Variants in IZUMO2 observed in about 807,000 individuals in gnomAD.
The protein encoded by IZUMO2 is IZUMO family member 2, also known as izumo sperm-egg fusion protein 2.
Under a neutral mutation model 31.2 loss-of-function variants are expected in IZUMO2, and 24 were observed. The ratio of observed to expected loss-of-function variants is 0.77; its 90% CI spans 0.56 to 1.08. The LOEUF (loss-of-function observed/expected upper bound fraction) is 1.08, where lower values mean the gene tolerates loss of function less well. Ranked by LOEUF, IZUMO2 falls within the 50% of genes least tolerant of loss-of-function variation. The pLI is 0.00. For synonymous variants in IZUMO2, 144 were observed against 117.3 expected (o/e 1.23, Z -1.47); for missense variants, 278 against 274.0 (o/e 1.01, Z -0.10).
chr19:50,154,735 G>A lies in IZUMO2; in HGVS notation c.497-9C>T. The A allele has an allele frequency of 6.2e-7, 1 of 1,613,274 alleles. No individual in the cohort carries two copies. Among genetic ancestry groups the A allele is most frequent in the East Asian group, 2.2e-5 (1 of 44,842 alleles). Reference sequence around the variant, plus strand: ...GCGGGGTTGCCGGTCGACTGGGGCGGGTGGGGAAACAGCCCCGACCTCCAC... The same window carrying A: ...GCGGGGTTGCCGGTCGACTGGGGCGAGTGGGGAAACAGCCCCGACCTCCAC... On this transcript the variant is annotated splice_polypyrimidine_tract_variant and intron_variant, in intron 5 of 6. Coordinates refer to ENST00000293405, the MANE Select transcript of IZUMO2 (RefSeq NM_152358.3).
rs376775034 is a variant in IZUMO2, at chr19:50,163,118, G to A, written c.77C>T (p.Pro26Leu). The A allele has an allele frequency of 1.7e-5, 27 of 1,605,550 alleles. No individual in the cohort carries two copies. In the East Asian group the frequency reaches 4.7e-4, roughly 28 times the overall value. The change falls in exon 1 of 7, where the codon CCC becomes CTC. Residue 26 changes from proline to leucine, a missense_variant. By Grantham distance (98) the Pro-to-Leu change is moderately conservative (BLOSUM62 -3). Transcript: ENST00000293405. ...GTGACCCAGGGCCTCCAGCACCAAG[G>A]GGTCGCACTGCAGGCAGCCCCAGCC... ...PGGWGCLQCD[P>L]LVLEALGHLR...
intron 2 of IZUMO2, among the ~76,000 whole-genome samples, chr19:50,162,526 G>T (rs1175277242): frequency 1.3e-5 from 2 of 152,090 alleles, no homozygotes; most frequent in Non-Finnish European, 2.9e-5. Context: ...GAGGCGGCAG[G>T]ATCGCTGGAG....
intron 6 of IZUMO2, 90 bp from the exon 7 acceptor site, chr19:50,152,741 C>G (rs2030069570): frequency 8.7e-7 from 1 of 1,151,658 alleles, no homozygotes; most frequent in Non-Finnish European, 1.3e-6. Context: ...CCATAACTTT[C>G]CTACAATCTT....
Position 50,159,245 on chromosome 19 carries a change from T to G in IZUMO2, c.400A>C (p.Asn134His). ...VLISYELKACNPKLCRLLKEE... is the reference protein window; with the variant it reads ...VLISYELKACHPKLCRLLKEE... The stretch of plus-strand genomic sequence containing the variant: ...CAGAACTCACGGCAAAGTTTGGGGT[T>G]GCAGGCTGCAAGAGAAAATTGCTGA... Residue 134 changes from asparagine to histidine, a missense_variant, in exon 4 of 7, where the codon AAC becomes CAC. Asn to His is a moderately conservative substitution (Grantham distance 68, BLOSUM62 1). Transcript: ENST00000293405. The G allele has an allele frequency of 1.2e-6, 2 of 1,611,204 alleles. No homozygotes were observed. The highest frequency in any genetic ancestry group is 1.7e-6 in the Non-Finnish European group (2 of 1,179,300).
At chr19:50,154,125 TC>T (rs1190192316) in intron 6 of IZUMO2, among the ~76,000 whole-genome samples, 3 of 151,444 alleles carry the variant, frequency 2.0e-5, no homozygotes, top group Non-Finnish European at 4.4e-5. Context: ...GGAAATGTTT[TC>T]ACTGTAGTAT....
chr19:50,152,592 A>T lies in IZUMO2; in HGVS notation c.*17T>A. 1 of 1,607,174 alleles carries T rather than the reference A, an allele frequency of 6.2e-7. No homozygotes were observed. Among genetic ancestry groups the T allele is most frequent in the South Asian group, 1.1e-5 (1 of 90,944 alleles). ...ATTAAATTTATTTTCCTTTCTCCTTACCCCCAAACCACCGTCCTACTGCAG... is the reference window on the plus strand; with the variant it reads ...ATTAAATTTATTTTCCTTTCTCCTTTCCCCCAAACCACCGTCCTACTGCAG... On this transcript the variant is annotated 3_prime_UTR_variant, in exon 7 of 7. Transcript: ENST00000293405.
At position 50,163,134 on chromosome 19, in the gene IZUMO2, A is replaced by C. The variant is rs767598343; in HGVS notation, c.61T>G (p.Cys21Gly). The C allele has an allele frequency of 6.3e-6, 10 of 1,591,926 alleles. No homozygotes were observed. The highest frequency in any genetic ancestry group is 1.8e-5 in the Admixed American group (1 of 55,516). The change falls in exon 1 of 7, where the codon TGC becomes GGC. Residue 21 changes from cysteine to glycine, a missense_variant. Cys to Gly is a radical substitution (Grantham distance 159). Transcript: ENST00000293405. ...AGCACCAAGGGGTCGCACTGCAGGC[A>C]GCCCCAGCCTCCGGGGGCGCCCAAG... Reference protein sequence around the residue: ...SGLGAPGGWGCLQCDPLVLEA... With the variant: ...SGLGAPGGWGGLQCDPLVLEA...
At chr19:50,153,273 C>T (rs866192341) in intron 6 of IZUMO2, among the ~76,000 whole-genome samples, 9 of 152,310 alleles carry the variant, frequency 5.9e-5, no homozygotes, top group African/African-American at 1.7e-4. Context: ...CTCTCAGAGG[C>T]TCTGGAAGGA....
chr19:50,163,252 G>T lies in IZUMO2; in HGVS notation c.-58C>A. On this transcript the variant is annotated 5_prime_UTR_variant, in exon 1 of 7. Transcript: ENST00000293405. Reference sequence around the variant, plus strand: ...CGGCCCGCCCCGCCTCCCAGGCGAGGGCGCGGTCAGGAGGCCCAGGGAGCA... The same window carrying T: ...CGGCCCGCCCCGCCTCCCAGGCGAGTGCGCGGTCAGGAGGCCCAGGGAGCA... 13 of 1,357,764 alleles carry T rather than the reference G, an allele frequency of 9.6e-6. No individual in the cohort carries two copies. Among genetic ancestry groups the T allele is most frequent in the Non-Finnish European group, 1.2e-5 (12 of 984,742 alleles). 84.1% of individuals were successfully genotyped at this position (1,357,764 alleles called of 1,614,324 possible).
intron 5 of IZUMO2, among the ~76,000 whole-genome samples, chr19:50,157,922 A>C (rs962820131): frequency 1.3e-5 from 2 of 151,908 alleles, no homozygotes; most frequent in African/African-American, 4.8e-5. Flanking sequence ...AAAAAAAAAA[A>C]AAAAGAATGT....
chr19:50,154,297 T>G (rs1600811194), intron 6 of IZUMO2, among the ~76,000 whole-genome samples: 1 of 91,392 alleles, frequency 1.1e-5, no homozygotes, highest in African/African-American at 4.4e-5. Context: ...TTTTTTTTTT[T>G]AATGTAAGAA....
chr19:50,158,366 G>T lies in IZUMO2; in HGVS notation c.416-18C>A. On this transcript the variant is annotated intron_variant, in intron 4 of 6. Coordinates refer to ENST00000293405, the MANE Select transcript of IZUMO2 (RefSeq NM_152358.3). ...TAGCAAGCCTAGGCAAGGGGAAAGGGAGAAGTAAGACAAGGGCAGATATCA... is the reference window on the plus strand; with the variant it reads ...TAGCAAGCCTAGGCAAGGGGAAAGGTAGAAGTAAGACAAGGGCAGATATCA... 6.4e-7 allele frequency: 1 copy of T among 1,554,360 alleles called. No homozygotes were observed. Among genetic ancestry groups the T allele is most frequent in the African/African-American group, 1.4e-5 (1 of 73,474 alleles).
chr19:50,152,650 C>T lies in IZUMO2; in HGVS notation c.625G>A (p.Ala209Thr). ...VFVFVVIVVSACTYRQNRKLL... is the reference protein window; with the variant it reads ...VFVFVVIVVSTCTYRQNRKLL... ...TTTCGGTTTTGTCTGTATGTACAAGCCCTGGTCAGAGAGAAAAAGCCTGTA... is the reference window on the plus strand; with the variant it reads ...TTTCGGTTTTGTCTGTATGTACAAGTCCTGGTCAGAGAGAAAAAGCCTGTA... Residue 209 changes from alanine (A) to threonine (T), a missense_variant and splice_region_variant, in exon 7 of 7, where the codon GCT (alanine) becomes ACT (threonine). Physicochemically the swap from Ala to Thr is moderately conservative, Grantham distance 58. Transcript: ENST00000293405. 6 of 1,612,972 alleles carry T rather than the reference C, an allele frequency of 3.7e-6. No homozygotes were observed. The highest frequency in any genetic ancestry group is 5.1e-6 in the Non-Finnish European group (6 of 1,178,974).
intron 4 of IZUMO2, among the ~76,000 whole-genome samples, chr19:50,158,601 T>C (rs931333492): frequency 4.6e-5 from 7 of 152,330 alleles, no homozygotes; most frequent in South Asian, 2.1e-4. Context: ...ATTAAACATT[T>C]GTTAATTCTG....
chr19:50,154,674 CG>C lies in IZUMO2; in HGVS notation c.548del (p.Pro183ArgfsTer46). The C allele has an allele frequency of 1.2e-6, 2 of 1,613,930 alleles. No homozygotes were observed. Among genetic ancestry groups the C allele is most frequent in the South Asian group, 2.2e-5 (2 of 91,054 alleles). ...GGATGCCCAACAGCGCCTGGTTCCT[CG>C]GGTATTTGCTGTCCATCTGGTACTG... ...ALQYQMDSKY[P>X]RNQALLGILI... On this transcript the variant is annotated frameshift_variant, in exon 6 of 7. Coordinates refer to ENST00000293405, the MANE Select transcript of IZUMO2 (RefSeq NM_152358.3). LOFTEE classifies it high-confidence loss of function.
chr19:50,152,548 T>A lies in IZUMO2; in HGVS notation c.*61A>T, dbSNP rs773267564. ...CCCAGGAAATGGACAGAGACATTGA[T>A]GGATTTGTCACCAATTTTATTAAAT... On this transcript the variant is annotated 3_prime_UTR_variant, in exon 7 of 7. Transcript: ENST00000293405. 6 of 1,429,074 alleles carry A rather than the reference T, an allele frequency of 4.2e-6. No homozygotes were observed. The highest frequency in any genetic ancestry group is 5.9e-6 in the Non-Finnish European group (6 of 1,012,264). 88.5% of individuals were successfully genotyped at this position (1,429,074 alleles called of 1,614,324 possible).
At chr19:50,152,691 T>G (rs748492818) in intron 6 of IZUMO2, 40 bp from the exon 7 acceptor site, 2 of 1,549,338 alleles carry the variant, frequency 1.3e-6, no homozygotes, top group Non-Finnish European at 1.8e-6. Flanking sequence ...GAATGAGAAT[T>G]TCAAGCTTTT....
chr19:50,158,405 G>C (rs2030288529), intron 4 of IZUMO2, 57 bp from the exon 5 acceptor site: 5 of 1,191,398 alleles, frequency 4.2e-6, no homozygotes, highest in African/African-American at 1.5e-5. Context: ...GACCGGCAAG[G>C]GTGGAAAGGA....
In IZUMO2 at chr19:50,163,271, G is replaced by A; in HGVS notation, c.-77C>T. 9.3e-7 allele frequency: 1 copy of A among 1,074,346 alleles called. No individual in the cohort carries two copies. The highest frequency in any genetic ancestry group is 1.4e-6 in the Non-Finnish European group (1 of 730,116). The allele number at this position is 1,074,346 out of a possible 1,614,324, so 66.6% of individuals were successfully genotyped here. A position where few individuals can be genotyped will look rare whatever the true frequency, so the allele number is the denominator to read the frequency against. The stretch of plus-strand genomic sequence containing the variant: ...GGCGAGGGCGCGGTCAGGAGGCCCA[G>A]GGAGCATCACGGTGTTACAGGCACG... On this transcript the variant is annotated 5_prime_UTR_variant, in exon 1 of 7. Transcript: ENST00000293405.
Sources: allele counts gnomAD v4.1 joint callset (sites outside exome capture counted in the v4.1 genomes callset), GRCh38; gene constraint gnomAD v4.1.1; transcripts MANE v1.5; gene names NCBI Gene and HGNC (gene_info 2026-07-23, HGNC 2026-07-21).